COL5A2: variants seen among roughly 807,000 people sequenced by gnomAD.
COL5A2 encodes collagen type V alpha 2 chain.
In COL5A2, 23 loss-of-function variants were observed where a neutral mutation model predicts 208.2. That is an observed-to-expected ratio of 0.11 (90% CI 0.08 to 0.16). The LOEUF is 0.16. Among genes scored for constraint, COL5A2 ranks in the 10% least tolerant of loss-of-function variants. The pLI, the probability that COL5A2 is intolerant of heterozygous loss-of-function variation, is 1.00. For synonymous variants in COL5A2, 625 were observed against 628.5 expected, an observed-to-expected ratio of 0.99 and a Z score of 0.08; for missense variants, 1,590 against 1,956.4, an observed-to-expected ratio of 0.81 and a Z score of 3.53.
Position 189,064,896 on chromosome 2 carries a change from C to T in COL5A2, c.1617+108G>A, listed in dbSNP as rs1380184232. The T allele has an allele frequency of 4.6e-6, 5 of 1,090,892 alleles. No individual in the cohort carries two copies. In the African/African-American group the frequency reaches 4.7e-5, roughly 10 times the overall value. 67.6% of individuals were successfully genotyped at this position (1,090,892 alleles called of 1,614,324 possible). ...TAGGCCTGGTATTTGTATCCATCTC[C>T]TTTCTGGATCTGAGCCCATGCAGGC... On this transcript the variant is annotated intron_variant, in intron 24 of 53. Coordinates refer to ENST00000374866, the MANE Select transcript of COL5A2 (RefSeq NM_000393.5).
chr2:189,045,375 T>A, intron 46 of COL5A2, 143 bp from the exon 47 acceptor site: 4 of 618,082 alleles, frequency 6.5e-6, no homozygotes, highest in Non-Finnish European at 1.2e-5. Context: ...CATACTCTTA[T>A]GATTAATTAA....
At chr2:189,090,924 T>C (rs1397809734) in intron 7 of COL5A2, among the ~76,000 whole-genome samples, 1 of 152,192 alleles carries the variant, frequency 6.6e-6, no homozygotes. Flanking sequence ...ATTAATGTTG[T>C]TTTCATGCCT....
At chr2:189,337,148 C>T in the COL5A2 span, among the ~76,000 whole-genome samples, 1 of 151,932 alleles carries the variant, frequency 6.6e-6, no homozygotes. Context: ...TCCTTTCTAG[C>T]AGCATTATGA....
intron 1 of COL5A2, among the ~76,000 whole-genome samples, chr2:189,174,424 C>T (rs555286048): frequency 6.6e-6 from 1 of 152,234 alleles, no homozygotes; most frequent in South Asian, 2.1e-4. Context: ...AATGGTTTAC[C>T]TACAAACTTC....
intron 45 of COL5A2, among the ~76,000 whole-genome samples, chr2:189,046,688 G>T (rs1158032946): frequency 6.6e-6 from 1 of 151,908 alleles, no homozygotes; most frequent in Non-Finnish European, 1.5e-5. Context: ...GAGTCAGACT[G>T]TATTTTCTGA....
chr2:189,159,330 G>A (rs182456149), intron 1 of COL5A2, among the ~76,000 whole-genome samples: 14 of 152,220 alleles, frequency 9.2e-5, no homozygotes, highest in East Asian at 7.7e-4. Context: ...ATCTAAGTAA[G>A]CCCACTTCTA....
chr2:189,403,688 C>T, the COL5A2 span, among the ~76,000 whole-genome samples: 5,366 of 152,076 alleles, frequency 0.035, 110 homozygotes, highest in Admixed American at 0.05. Flanking sequence ...GTAGCTTTTG[C>T]CTTTAGTTCT....
At chr2:189,096,360 C>G (rs2105680071) in intron 6 of COL5A2, among the ~76,000 whole-genome samples, 1 of 152,014 alleles carries the variant, frequency 6.6e-6, no homozygotes, top group East Asian at 1.9e-4. Context: ...ATATGAAAGA[C>G]ATTAGATTTT....
At chr2:189,125,162 G>A (rs1301645876) in intron 1 of COL5A2, among the ~76,000 whole-genome samples, 1 of 152,100 alleles carries the variant, frequency 6.6e-6, no homozygotes, top group African/African-American at 2.4e-5. Flanking sequence ...ATGACAAGAT[G>A]TGCTAGATAC....
chr2:189,409,330 G>C, the COL5A2 span, among the ~76,000 whole-genome samples: 1 of 146,664 alleles, frequency 6.8e-6, no homozygotes, highest in Non-Finnish European at 1.5e-5. Context: ...TTCCAACTCA[G>C]CCTCCTGAGT....
chr2:189,138,882 C>T (rs1002589018), intron 1 of COL5A2, among the ~76,000 whole-genome samples: 9 of 152,062 alleles, frequency 5.9e-5, no homozygotes, highest in African/African-American at 1.9e-4. Flanking sequence ...GAGTCCATAC[C>T]GATGTAAATA....
intron 1 of COL5A2, among the ~76,000 whole-genome samples, chr2:189,211,294 T>C (rs1313047857): frequency 6.6e-6 from 1 of 152,182 alleles, no homozygotes; most frequent in Admixed American, 6.5e-5. Flanking sequence ...GTTCACTAAA[T>C]ATTGTTCATC....
In COL5A2 at chr2:189,221,875, T is replaced by C. The variant is rs1030138639; in HGVS notation, c.-42+3273A>G. ...CAAACTAATAATGCTGGAACCCCACTATAACTGCATTTCTACAGAATGGAG... is the reference window on the plus strand; with the variant it reads ...CAAACTAATAATGCTGGAACCCCACCATAACTGCATTTCTACAGAATGGAG... On this transcript the variant is annotated intron_variant, in intron 1 of 10. Transcript: ENST00000649966. Among the ~76,000 whole-genome samples the C allele has an allele frequency of 2.6e-5, 4 of 152,182 alleles. No individual in the cohort carries two copies. The East Asian group carries it at 7.7e-4, about 29-fold the overall frequency.
intron 42 of COL5A2, 51 bp from the exon 43 acceptor site, chr2:189,050,727 C>T: frequency 6.9e-7 from 1 of 1,447,988 alleles, no homozygotes; most frequent in Non-Finnish European, 9.5e-7. Context: ...TAAAACTGTA[C>T]CCAAGGAATT....
chr2:189,064,393 A>T (rs990370962), intron 25 of COL5A2, among the ~76,000 whole-genome samples, 164 bp downstream of exon 25: 3 of 152,314 alleles, frequency 2.0e-5, no homozygotes, highest in African/African-American at 7.2e-5. Context: ...AAAAATAACA[A>T]ACCAGTATTT....
chr2:189,263,401 T>C, the COL5A2 span, among the ~76,000 whole-genome samples: 1 of 152,148 alleles, frequency 6.6e-6, no homozygotes, highest in Admixed American at 6.6e-5. Context: ...TAGTCGACAG[T>C]AGACAATATA....
At chr2:189,229,998 T>A (rs1689460892), upstream of COL5A2, among the ~76,000 whole-genome samples, 2 of 151,754 alleles carry the variant, frequency 1.3e-5, no homozygotes, top group African/African-American at 4.8e-5. Flanking sequence ...TATAGGCCAA[T>A]GGACTAAAAT....
the COL5A2 span, among the ~76,000 whole-genome samples, chr2:189,360,165 T>C: frequency 6.6e-6 from 1 of 152,126 alleles, no homozygotes; most frequent in Non-Finnish European, 1.5e-5. Context: ...CCTTTCTACT[T>C]TTTGATATAG....
At chr2:189,250,524 A>G in the COL5A2 span, among the ~76,000 whole-genome samples, 9 of 152,174 alleles carry the variant, frequency 5.9e-5, no homozygotes, top group Non-Finnish European at 8.8e-5. Flanking sequence ...AGTGGCTAAC[A>G]TTACTGATAT....
Sources: allele counts gnomAD v4.1 joint callset (sites outside exome capture counted in the v4.1 genomes callset), GRCh38; gene constraint gnomAD v4.1.1; transcripts MANE v1.5; gene names NCBI Gene and HGNC (gene_info 2026-07-23, HGNC 2026-07-21).